The following EML1 variants were observed in gnomAD, a reference collection of about 807,000 sequenced individuals.
EML1 encodes echinoderm microtubule-associated protein-like 1.
Under a neutral mutation model 110.4 loss-of-function variants are expected in EML1, and 27 were observed. The observed-to-expected ratio is 0.24, with a 90% CI of 0.18 to 0.34. The LOEUF (loss-of-function observed/expected upper bound fraction) is 0.34, where lower values mean the gene tolerates loss of function less well. Ranked by LOEUF, EML1 falls within the 10% of genes least tolerant of loss-of-function variation. The pLI is 1.00. For missense variants in EML1, 741 were observed against 1,030.9 expected, an observed-to-expected ratio of 0.72 and a Z score of 3.85; for synonymous variants, 344 against 385.8, an observed-to-expected ratio of 0.89 and a Z score of 1.27.
At chr14:99,819,715 G>A (rs2058229726) in intron 1 of EML1, among the ~76,000 whole-genome samples, 1 of 152,170 alleles carries the variant, frequency 6.6e-6, no homozygotes, top group Admixed American at 6.6e-5. Flanking sequence ...GTGGTGGGAG[G>A]GGTGAAGCAG....
chr14:99,936,573 G>T lies in EML1; in HGVS notation c.2095+239G>T, dbSNP rs1224534729. Among the ~76,000 whole-genome samples the T allele has an allele frequency of 6.6e-6, 1 of 152,150 alleles. No individual in the cohort carries two copies. Among genetic ancestry groups the T allele is most frequent in the Non-Finnish European group, 1.5e-5 (1 of 68,016 alleles). ...GAGAAGATCCAGGGCCTGCCCCAAG[G>T]GGAAGAAGGCCAAGCCCTGCAGAGG... On this transcript the variant is annotated intron_variant, in intron 19 of 21. Transcript: ENST00000262233. The surrounding 1 kb of genome is among the most constrained non-coding windows in gnomAD (Gnocchi z 5.5).
At chr14:99,780,034 G>T (rs534253748) in intron 1 of EML1, among the ~76,000 whole-genome samples, 38 of 152,212 alleles carry the variant, frequency 2.5e-4, no homozygotes, top group Non-Finnish European at 4.9e-4. Context: ...GTTGGTTCCT[G>T]GTGAGGGCTC....
At chr14:99,833,260 A>G (rs1052156974) in intron 1 of EML1, among the ~76,000 whole-genome samples, 5 of 152,190 alleles carry the variant, frequency 3.3e-5, no homozygotes, top group African/African-American at 1.2e-4. Flanking sequence ...ATTTGTTGAA[A>G]AGACTGTCTT....
chr14:99,851,919 A>T (rs1000393690), intron 2 of EML1, among the ~76,000 whole-genome samples: 2 of 152,158 alleles, frequency 1.3e-5, no homozygotes, highest in Non-Finnish European at 2.9e-5. Flanking sequence ...TGCAAAGCCC[A>T]GTGTTCCTTT....
Position 99,936,470 on chromosome 14 carries a change from T to G in EML1, c.2095+136T>G. 3.8e-6 allele frequency: 3 copies of G among 789,942 alleles called. No homozygotes were observed. The highest frequency in any genetic ancestry group is 6.1e-6 in the Non-Finnish European group (3 of 488,704). 48.9% of individuals were successfully genotyped at this position (789,942 alleles called of 1,614,324 possible). A position where few individuals can be genotyped will look rare whatever the true frequency, so the allele number is the denominator to read the frequency against. ...TCATCTCTAGGTCATGGTTTCCGCC[T>G]CTGTAACGTAGGGGAGTGGGGCTGC... On this transcript the variant is annotated intron_variant, in intron 19 of 21. Coordinates refer to ENST00000262233, the MANE Select transcript of EML1 (RefSeq NM_004434.3). The surrounding 1 kb of genome is among the most constrained non-coding windows in gnomAD (Gnocchi z 5.5).
At chr14:99,823,129 C>T (rs1395446198) in intron 1 of EML1, among the ~76,000 whole-genome samples, 7 of 152,312 alleles carry the variant, frequency 4.6e-5, no homozygotes, top group East Asian at 1.9e-4. Flanking sequence ...CCGTGCCCTC[C>T]GGTTCCAGGG....
Position 99,868,804 on chromosome 14 carries a change from T to C in EML1, c.383+3158T>C, listed in dbSNP as rs1227681635. ...TCCTATTGTTTTTCTATTCTCCACT[T>C]CATTTATCTCTGCTCTAATCTTTAT... On this transcript the variant is annotated intron_variant, in intron 3 of 21. Transcript: ENST00000262233. Among the ~76,000 whole-genome samples, 2 of 152,162 alleles carry C rather than the reference T, an allele frequency of 1.3e-5. 1 individual carries two copies. The highest frequency in any genetic ancestry group is 2.9e-5 in the Non-Finnish European group (2 of 68,034).
intron 9 of EML1, among the ~76,000 whole-genome samples, chr14:99,901,433 C>A (rs1484000655): frequency 1.3e-5 from 2 of 152,178 alleles, no homozygotes; most frequent in African/African-American, 2.4e-5. Context: ...AGGGAGAGTT[C>A]TTGGATCTCT....
intron 9 of EML1, 136 bp from the exon 10 acceptor site, chr14:99,907,502 A>G (rs2059870955): frequency 1.3e-6 from 1 of 749,782 alleles, no homozygotes; most frequent in Non-Finnish European, 2.1e-6. Flanking sequence ...GCAGGTCTCA[A>G]AAGCAATGGA....
intron 1 of EML1, among the ~76,000 whole-genome samples, chr14:99,805,194 G>A (rs146426991): frequency 2.6e-5 from 4 of 152,306 alleles, no homozygotes; most frequent in Admixed American, 6.5e-5. Flanking sequence ...CCACTTAACC[G>A]ACCAGACCAG....
chr14:99,743,510 C>A (rs2057068698), intron 1 of EML1, among the ~76,000 whole-genome samples: 1 of 152,196 alleles, frequency 6.6e-6, no homozygotes, highest in Admixed American at 6.5e-5. Context: ...CCAGGACAGG[C>A]CCCCTTCCGT....
At chr14:99,881,864 G>T (rs1315484618) in intron 4 of EML1, among the ~76,000 whole-genome samples, 1 of 152,138 alleles carries the variant, frequency 6.6e-6, no homozygotes, top group Admixed American at 6.5e-5. Context: ...CTCCCAAAGT[G>T]CTGGGATTAC....
At chr14:99,763,388 C>G (rs1424660715) in intron 1 of EML1, among the ~76,000 whole-genome samples, 2 of 152,136 alleles carry the variant, frequency 1.3e-5, no homozygotes, top group East Asian at 3.9e-4. Context: ...CATGGACACA[C>G]CTACTATATA....
chr14:99,777,470 A>C (rs1168994831), intron 1 of EML1, among the ~76,000 whole-genome samples: 1 of 152,158 alleles, frequency 6.6e-6, no homozygotes, highest in African/African-American at 2.4e-5. Flanking sequence ...CCCAGGCTGC[A>C]GTGCAGTGGC....
At chr14:99,931,305 A>C in intron 17 of EML1, among the ~76,000 whole-genome samples, 1 of 147,870 alleles carries the variant, frequency 6.8e-6, no homozygotes, top group Admixed American at 6.7e-5. Context: ...GCAAGCATGC[A>C]AGGATTTCTG....
intron 17 of EML1, among the ~76,000 whole-genome samples, chr14:99,923,437 A>G (rs1367512581): frequency 6.6e-6 from 1 of 152,164 alleles, no homozygotes; most frequent in East Asian, 1.9e-4. Flanking sequence ...AGTTAATTAC[A>G]CAAGAGTTAC....
intron 1 of EML1, among the ~76,000 whole-genome samples, chr14:99,842,760 C>G (rs1046686754): frequency 3.9e-5 from 6 of 152,164 alleles, no homozygotes; most frequent in African/African-American, 1.4e-4. Context: ...ATGCAGGGAG[C>G]AGGCCAGTCT....
At chr14:99,766,562 AG>A (rs1566855723) in intron 1 of EML1, among the ~76,000 whole-genome samples, 2 of 152,264 alleles carry the variant, frequency 1.3e-5, no homozygotes, top group Non-Finnish European at 2.9e-5. Flanking sequence ...TAGCAATTTT[AG>A]GGGGGCTTCC....
chr14:99,791,619 T>G (rs779262620), upstream of EML1, among the ~76,000 whole-genome samples: 1 of 152,212 alleles, frequency 6.6e-6, no homozygotes, highest in African/African-American at 2.4e-5. Flanking sequence ...TATGGTCCTA[T>G]AGCAACTTCC....
Sources: allele counts gnomAD v4.1 joint callset (sites outside exome capture counted in the v4.1 genomes callset), GRCh38; gene constraint gnomAD v4.1.1; non-coding constraint Gnocchi (gnomAD v3.1); transcripts MANE v1.5; gene names NCBI Gene and HGNC (gene_info 2026-07-23, HGNC 2026-07-21).